Variants in LURAP1L observed in about 807,000 individuals in gnomAD.
LURAP1L encodes the protein leucine rich adaptor protein 1 like.
LURAP1L carries 12 observed loss-of-function variants against 13.8 expected under a neutral mutation model. The ratio of observed to expected loss-of-function variants is 0.87; its 90% CI spans 0.56 to 1.41. The LOEUF is 1.41. LURAP1L is among the 40% of genes most tolerant of loss of function. The pLI, the probability that LURAP1L is intolerant of heterozygous loss-of-function variation, is 0.00. For synonymous variants in LURAP1L, 139 were observed against 119.2 expected (o/e 1.17, Z -1.08); for missense variants, 375 against 292.9 (o/e 1.28, Z -2.04).
At chr9:12,796,691 G>GT (rs982099836) in intron 1 of LURAP1L, among the ~76,000 whole-genome samples, 19 of 151,832 alleles carry the variant, frequency 1.3e-4, no homozygotes, top group South Asian at 2.1e-4. Flanking sequence ...TATTCTAATA[G>GT]TTTTTTTTAA....
At chr9:12,786,545 G>GACATATATATAT (rs1192170060) in intron 1 of LURAP1L, among the ~76,000 whole-genome samples, 2 of 15,802 alleles carry the variant, frequency 1.3e-4, no homozygotes, top group Non-Finnish European at 2.3e-4. Flanking sequence ...GTATATATAT[G>GACATATATATAT]ACATATATAT....
intron 1 of LURAP1L, among the ~76,000 whole-genome samples, chr9:12,791,377 C>T (rs981882798): frequency 2.6e-5 from 4 of 151,970 alleles, no homozygotes; most frequent in Admixed American, 6.6e-5. Context: ...CTTTTAAATA[C>T]CCATTTTCCC....
chr9:12,800,837 G>A (rs147074394), intron 1 of LURAP1L, among the ~76,000 whole-genome samples: 16 of 152,156 alleles, frequency 1.1e-4, no homozygotes, highest in East Asian at 7.7e-4. Context: ...AAATTACCCC[G>A]TCTCAGGTAT....
At chr9:12,812,734 T>A (rs1439125290) in intron 1 of LURAP1L, among the ~76,000 whole-genome samples, 1 of 152,152 alleles carries the variant, frequency 6.6e-6, no homozygotes, top group Admixed American at 6.5e-5. Context: ...TCCTCAACAA[T>A]CTTCAAATGC....
Position 12,775,622 on chromosome 9 carries a change from C to G in LURAP1L, c.-94C>G. On this transcript the variant is annotated 5_prime_UTR_variant, in exon 1 of 2. Transcript: ENST00000319264. ...GGCGGAGGATAGAGACCCTGGCCCC[C>G]GGAGAGGTCTGCTGATTTCGCAGCA... The G allele has an allele frequency of 4.1e-6, 6 of 1,480,840 alleles. No homozygotes were observed. The highest frequency in any genetic ancestry group is 2.6e-5 in the Admixed American group (1 of 38,210). The allele number at this position is 1,480,840 out of a possible 1,614,324, so 91.7% of individuals were successfully genotyped here.
chr9:12,805,718 G>C (rs1435757591), intron 1 of LURAP1L, among the ~76,000 whole-genome samples: 1 of 152,108 alleles, frequency 6.6e-6, no homozygotes, highest in Admixed American at 6.5e-5. Context: ...TTCCAAAGGG[G>C]GAACATTTTA....
At chr9:12,782,965 A>C (rs1819292818) in intron 1 of LURAP1L, among the ~76,000 whole-genome samples, 1 of 151,872 alleles carries the variant, frequency 6.6e-6, no homozygotes, top group Non-Finnish European at 1.5e-5. Context: ...ATTTAATTTT[A>C]TTTGCAGTTA....
At chr9:12,778,885 G>C (rs898561176) in intron 1 of LURAP1L, among the ~76,000 whole-genome samples, 1 of 152,206 alleles carries the variant, frequency 6.6e-6, no homozygotes, top group Non-Finnish European at 1.5e-5. Flanking sequence ...ATCCATGGGA[G>C]ATATGTTCCA....
intron 1 of LURAP1L, chr9:12,777,700 A>T (rs988562075): frequency 6.8e-6 from 3 of 444,284 alleles, no homozygotes; most frequent in Non-Finnish European, 8.9e-6. Flanking sequence ...CCAAAAACCG[A>T]TGAACCCCAC....
chr9:12,780,018 G>C (rs558217792), intron 1 of LURAP1L, among the ~76,000 whole-genome samples: 26 of 152,234 alleles, frequency 1.7e-4, no homozygotes, highest in African/African-American at 6.0e-4. Context: ...GCAGTTAAAG[G>C]TTCTCCTGAC....
At position 12,821,809 on chromosome 9, in the gene LURAP1L, T is replaced by G; in HGVS notation, c.*49T>G. 6.5e-7 allele frequency: 1 copy of G among 1,548,992 alleles called. No homozygotes were observed. Among genetic ancestry groups the G allele is most frequent in the Non-Finnish European group, 8.7e-7 (1 of 1,147,592 alleles). On this transcript the variant is annotated 3_prime_UTR_variant, in exon 2 of 2. Coordinates refer to ENST00000319264, the MANE Select transcript of LURAP1L (RefSeq NM_203403.2). ...GTGTGCAATGAACTTGTATTTATCC[T>G]TCTTCTCCGCTGCTATATTTTTGGT...
In LURAP1L at chr9:12,811,724, G is replaced by A. The variant is rs184137233; in HGVS notation, c.313-9662G>A. On this transcript the variant is annotated intron_variant, in intron 1 of 1. Coordinates refer to ENST00000319264, the MANE Select transcript of LURAP1L (RefSeq NM_203403.2). ...TGGTCTATATACCAACAGCATTGGT[G>A]TATTAGTTATTCAAGCTGCATAACA... is the stretch of plus-strand genomic sequence containing the variant. Among the ~76,000 whole-genome samples, 6 of 152,296 alleles carry A rather than the reference G, an allele frequency of 3.9e-5. No individual in the cohort carries two copies. The East Asian group carries it at 9.6e-4, about 24-fold the overall frequency.
intron 1 of LURAP1L, among the ~76,000 whole-genome samples, chr9:12,799,873 CAA>C (rs58987082): frequency 2.8e-4 from 23 of 82,512 alleles, no homozygotes; most frequent in African/African-American, 5.3e-4. Context: ...GACTCCGTCT[CAA>C]AAAAAAAAAA....
chr9:12,816,152 A>G (rs1395953927), intron 1 of LURAP1L, among the ~76,000 whole-genome samples: 1 of 152,184 alleles, frequency 6.6e-6, no homozygotes, highest in African/African-American at 2.4e-5. Context: ...TCTGATCTGT[A>G]GACTCTTCCT....
At chr9:12,799,355 C>T (rs146364704) in intron 1 of LURAP1L, among the ~76,000 whole-genome samples, 1 of 152,212 alleles carries the variant, frequency 6.6e-6, no homozygotes, top group East Asian at 1.9e-4. Context: ...TTTCAATGCA[C>T]ATATGTAATT....
chr9:12,797,777 A>G (rs571380810), intron 1 of LURAP1L, among the ~76,000 whole-genome samples: 2 of 152,188 alleles, frequency 1.3e-5, no homozygotes, highest in Admixed American at 6.5e-5. Flanking sequence ...ACAAATTCAT[A>G]TCCAAGGGAA....
Position 12,817,200 on chromosome 9 carries a change from T to G in LURAP1L, c.313-4186T>G, listed in dbSNP as rs191117766. 2.8e-3 allele frequency among the ~76,000 whole-genome samples: 405 copies of G among 146,246 alleles called. 6 individuals are homozygous for G. The highest frequency in any genetic ancestry group is 9.4e-3 in the African/African-American group (368 of 39,198). On this transcript the variant is annotated intron_variant, in intron 1 of 1. Coordinates refer to ENST00000319264, the MANE Select transcript of LURAP1L (RefSeq NM_203403.2). ...CTGGGAACGCTTCAATATTGAAATG[T>G]TCTTTCCCGAAGCTACTTTTTTTTT...
At chr9:12,779,062 G>A (rs1819231287) in intron 1 of LURAP1L, among the ~76,000 whole-genome samples, 1 of 151,782 alleles carries the variant, frequency 6.6e-6, no homozygotes, top group Non-Finnish European at 1.5e-5. Flanking sequence ...CTATGTGAAT[G>A]TCTCTCTCTC....
intron 1 of LURAP1L, among the ~76,000 whole-genome samples, chr9:12,781,179 C>T (rs1819264759): frequency 6.6e-6 from 1 of 152,156 alleles, no homozygotes; most frequent in Admixed American, 6.5e-5. Flanking sequence ...CCACGTTGGT[C>T]AGGCTGGTCT....
Sources: allele counts gnomAD v4.1 joint callset (sites outside exome capture counted in the v4.1 genomes callset), GRCh38; gene constraint gnomAD v4.1.1; transcripts MANE v1.5; gene names NCBI Gene and HGNC (gene_info 2026-07-23, HGNC 2026-07-21).